The following UTRN variants were observed in gnomAD, a reference collection of about 807,000 sequenced individuals.
UTRN encodes the protein utrophin.
Under a neutral mutation model 463.9 loss-of-function variants are expected in UTRN, and 283 were observed. That is an observed-to-expected ratio of 0.61 (90% CI 0.55 to 0.67). The LOEUF is 0.67. Ranked by LOEUF, UTRN falls within the 30% of genes least tolerant of loss-of-function variation. The probability of loss-of-function intolerance (pLI) is 0.00; values close to 1 mark genes in which losing one functional copy is unlikely to be tolerated. For missense variants in UTRN, 3,922 were observed against 4,084.3 expected (o/e 0.96, Z 1.08); for synonymous variants, 1,442 against 1,431.5 (o/e 1.01, Z -0.17).
chr6:144,743,331 G>T (rs1000629638), intron 54 of UTRN, among the ~76,000 whole-genome samples: 2 of 152,142 alleles, frequency 1.3e-5, no homozygotes, highest in African/African-American at 4.8e-5. Context: ...CAATAACACT[G>T]GGCGAATTCT....
At chr6:144,553,126 C>T (rs1799070335) in intron 48 of UTRN, among the ~76,000 whole-genome samples, 2 of 152,212 alleles carry the variant, frequency 1.3e-5, no homozygotes, top group South Asian at 2.1e-4. Flanking sequence ...CAACCTCTGC[C>T]TCCTGGGATC....
intron 2 of UTRN, among the ~76,000 whole-genome samples, chr6:144,318,941 C>T (rs968004677): frequency 6.6e-6 from 1 of 152,132 alleles, no homozygotes; most frequent in African/African-American, 2.4e-5. Flanking sequence ...GTGATGCCAG[C>T]ACCTGTGGTC....
intron 47 of UTRN, 108 bp downstream of exon 47, chr6:144,548,962 A>G: frequency 8.6e-7 from 1 of 1,167,360 alleles, no homozygotes; most frequent in Non-Finnish European, 1.2e-6. Context: ...AATGAGGTTT[A>G]AAAAATTCTG....
intron 52 of UTRN, among the ~76,000 whole-genome samples, chr6:144,683,518 G>A (rs1585987697): frequency 6.6e-6 from 1 of 152,136 alleles, no homozygotes; most frequent in Admixed American, 6.5e-5. Flanking sequence ...TCACTGTGGA[G>A]CACACTGTTC....
At chr6:144,581,123 C>T (rs1275413879) in intron 51 of UTRN, among the ~76,000 whole-genome samples, 1 of 152,198 alleles carries the variant, frequency 6.6e-6, no homozygotes. Context: ...ATTGGAGTAA[C>T]ATCCAGGAGG....
chr6:144,669,467 A>G (rs1323237935), intron 51 of UTRN, among the ~76,000 whole-genome samples: 1 of 152,230 alleles, frequency 6.6e-6, no homozygotes, highest in African/African-American at 2.4e-5. Context: ...TGTTAAAAAT[A>G]TTATATCACC....
intron 2 of UTRN, among the ~76,000 whole-genome samples, chr6:144,397,543 T>G (rs552250704): frequency 6.6e-6 from 1 of 152,330 alleles, no homozygotes; most frequent in African/African-American, 2.4e-5. Context: ...AAATTTGGAT[T>G]GTCTTAGCCT....
At chr6:144,771,012 C>T (rs1056072060) in intron 58 of UTRN, among the ~76,000 whole-genome samples, 3 of 152,114 alleles carry the variant, frequency 2.0e-5, no homozygotes, top group East Asian at 1.9e-4. Context: ...GGAAATATGA[C>T]GAGACTTTTA....
At chr6:144,844,800 A>G (rs117786508) in intron 73 of UTRN, among the ~76,000 whole-genome samples, 1,821 of 152,334 alleles carry the variant, frequency 0.012, 18 homozygotes, top group Admixed American at 0.018. Context: ...CCCAATGCCA[A>G]GCCAATCCCT....
chr6:144,342,849 G>C (rs1584357333), intron 2 of UTRN, among the ~76,000 whole-genome samples: 1 of 152,182 alleles, frequency 6.6e-6, no homozygotes, highest in South Asian at 2.1e-4. Flanking sequence ...TGCAAAAAAA[G>C]ATCAATGGGT....
At chr6:144,824,614 C>CTCTCTCTCTTTTTT (rs1315487327) in intron 66 of UTRN, among the ~76,000 whole-genome samples, 1 of 30,878 alleles carries the variant, frequency 3.2e-5, no homozygotes, top group African/African-American at 1.1e-4. Context: ...ATATATATAT[C>CTCTCTCTCTTTTTT]TTTTTTTTTT....
At chr6:144,307,479 A>C (rs962895058) in intron 2 of UTRN, among the ~76,000 whole-genome samples, 18 of 152,248 alleles carry the variant, frequency 1.2e-4, no homozygotes, top group African/African-American at 3.6e-4. Flanking sequence ...TTGTTAGAGG[A>C]AGAGTGACAT....
chr6:144,617,168 T>A (rs1806212208), intron 51 of UTRN, among the ~76,000 whole-genome samples: 2 of 152,216 alleles, frequency 1.3e-5, no homozygotes. Context: ...TCCATCTGTC[T>A]GCACATTGTG....
chr6:144,789,161 G>A, intron 61 of UTRN, 33 bp from the exon 62 acceptor site: 1 of 1,535,066 alleles, frequency 6.5e-7, no homozygotes, highest in Non-Finnish European at 9.0e-7. Context: ...GGTTTTAAAT[G>A]CATCTAACAC....
At position 144,474,699 on chromosome 6, in the gene UTRN, A is replaced by G. The variant is rs757838067; in HGVS notation, c.3276A>G (p.Lys1092=). 6.2e-7 allele frequency: 1 copy of G among 1,614,074 alleles called. No individual in the cohort carries two copies. Among genetic ancestry groups the G allele is most frequent in the African/African-American group, 1.3e-5 (1 of 74,936 alleles). ...NLRSGPVAGI[K]TWVQTRLGDY... ...GAAGTGGTCCAGTTGCTGGAATAAA[A>G]ACTTGGGTGCAGACAAGACTAGGTG... The change falls in exon 25 of 75, where the codon AAA becomes AAG. Residue 1092 remains lysine (K), a synonymous_variant. Coordinates refer to ENST00000367545, the MANE Select transcript of UTRN (RefSeq NM_007124.3).
At chr6:144,506,902 A>T (rs1008851286) in intron 34 of UTRN, among the ~76,000 whole-genome samples, 1 of 152,130 alleles carries the variant, frequency 6.6e-6, no homozygotes, top group African/African-American at 2.4e-5. Context: ...GGGTACACCA[A>T]TCAAATGTAG....
Position 144,828,803 on chromosome 6 carries a change from G to C in UTRN, c.9613G>C (p.Glu3205Gln). 6.2e-7 allele frequency: 1 copy of C among 1,613,440 alleles called. No individual in the cohort carries two copies. Among genetic ancestry groups the C allele is most frequent in the African/African-American group, 1.3e-5 (1 of 74,994 alleles). The change falls in exon 69 of 75, where the codon GAA becomes CAA. Residue 3205 changes from glutamate (E) to glutamine (Q), a missense_variant. This residue lies in a region of UTRN where 1,309 missense variants were observed against 1,452.6 expected (regional missense o/e 0.90). Transcript: ENST00000367545. Reference protein sequence around the residue: ...EQYATRLAQMERTNGSFLTDS... With the variant: ...EQYATRLAQMQRTNGSFLTDS... ...TTTATTTTGCAGACTGGCCCAGATGGAAAGGACTAATGGGTCTTTTCTCAC... is the reference window on the plus strand; with the variant it reads ...TTTATTTTGCAGACTGGCCCAGATGCAAAGGACTAATGGGTCTTTTCTCAC...
At chr6:144,390,943 A>G (rs1781851212) in intron 2 of UTRN, among the ~76,000 whole-genome samples, 1 of 152,172 alleles carries the variant, frequency 6.6e-6, no homozygotes, top group Non-Finnish European at 1.5e-5. Context: ...AAATGTTACT[A>G]TTTCTTTGTA....
chr6:144,590,882 GCA>G (rs10612567), intron 51 of UTRN, among the ~76,000 whole-genome samples: 70,216 of 146,888 alleles, frequency 0.48, 18,047 homozygotes, highest in African/African-American at 0.7. Context: ...ACACGCACAT[GCA>G]CACACACACA....
Sources: allele counts gnomAD v4.1 joint callset (sites outside exome capture counted in the v4.1 genomes callset), GRCh38; gene constraint gnomAD v4.1.1; regional missense constraint gnomAD v4.1.1; transcripts MANE v1.5; gene names NCBI Gene and HGNC (gene_info 2026-07-23, HGNC 2026-07-21).